CTNNA2: variants seen among roughly 807,000 people sequenced by gnomAD.
The protein encoded by CTNNA2 is catenin alpha-2.
In CTNNA2, 42 loss-of-function variants were observed where a neutral mutation model predicts 101.0. That is an observed-to-expected ratio of 0.42 (90% CI 0.32 to 0.54). CTNNA2 has a LOEUF of 0.54. CTNNA2 is among the 20% of genes least tolerant of loss of function. The pLI is 0.14. For synonymous variants in CTNNA2, 450 were observed against 456.4 expected (o/e 0.99, Z 0.18); for missense variants, 871 against 1,223.1 (o/e 0.71, Z 4.29).
At chr2:80,413,230 C>A (rs961307361) in intron 8 of CTNNA2, among the ~76,000 whole-genome samples, 2 of 152,030 alleles carry the variant, frequency 1.3e-5, no homozygotes, top group Non-Finnish European at 2.9e-5. Flanking sequence ...ATCCAGCAGA[C>A]CTGAATGAAT....
chr2:79,279,778 G>C lies in CTNNA2; in HGVS notation c.-405-32931G>C, dbSNP rs7562471. Among the ~76,000 whole-genome samples, 568 of 152,158 alleles carry C rather than the reference G, an allele frequency of 3.7e-3. 8 individuals are homozygous for C. Among genetic ancestry groups the C allele is most frequent in the African/African-American group, 0.013 (543 of 41,548 alleles). On this transcript the variant is annotated intron_variant, in intron 2 of 21. Coordinates refer to the CTNNA2 transcript ENST00000466387. Reference sequence around the variant, plus strand: ...ATTCCTCTTCTTGACACTTCCAAATGTGTAGGAATTATGGGAAGAACAAAA... The same window carrying C: ...ATTCCTCTTCTTGACACTTCCAAATCTGTAGGAATTATGGGAAGAACAAAA...
At chr2:79,587,269 A>G (rs1676557127) in intron 1 of CTNNA2, among the ~76,000 whole-genome samples, 1 of 151,930 alleles carries the variant, frequency 6.6e-6, no homozygotes. Context: ...TGATTGTACC[A>G]TATTTGAATT....
intron 2 of CTNNA2, among the ~76,000 whole-genome samples, chr2:79,666,171 C>G (rs1238889291): frequency 6.6e-6 from 1 of 151,960 alleles, no homozygotes. Flanking sequence ...AAATGGTTTC[C>G]AAACTTTTTT....
At chr2:79,341,451 T>G (rs1367711941) in intron 3 of CTNNA2, among the ~76,000 whole-genome samples, 1 of 152,138 alleles carries the variant, frequency 6.6e-6, no homozygotes, top group Non-Finnish European at 1.5e-5. Context: ...ATTAAGAACA[T>G]TAGTTATGGT....
intron 7 of CTNNA2, among the ~76,000 whole-genome samples, chr2:80,206,035 A>G (rs368824764): frequency 6.6e-6 from 1 of 152,184 alleles, no homozygotes; most frequent in East Asian, 1.9e-4. Context: ...CTTTCTTGTC[A>G]TGGTAATCCA....
chr2:79,354,716 G>A (rs1413894217), intron 3 of CTNNA2, among the ~76,000 whole-genome samples: 2 of 152,040 alleles, frequency 1.3e-5, no homozygotes, highest in Admixed American at 6.6e-5. Flanking sequence ...GTTGCACCTA[G>A]GATCCCAGAA....
In CTNNA2 at chr2:79,287,018, GCTGATACC is replaced by G. The variant is rs1190245761; in HGVS notation, c.-405-25688_-405-25681del. ...CATTTCATTCATTTCATCTTCCATC[GCTGATACC>G]CTTTCTTCCAGTTGATCGCATCAGC... On this transcript the variant is annotated intron_variant, in intron 2 of 21. Coordinates refer to the CTNNA2 transcript ENST00000466387. Among the ~76,000 whole-genome samples, 3 of 151,724 alleles carry G rather than the reference GCTGATACC, an allele frequency of 2.0e-5. No homozygotes were observed. The East Asian group carries it at 5.8e-4, about 29-fold the overall frequency.
chr2:79,517,694 G>C (rs895674406), intron 1 of CTNNA2, among the ~76,000 whole-genome samples: 1 of 152,066 alleles, frequency 6.6e-6, no homozygotes, highest in Admixed American at 6.6e-5. Flanking sequence ...CCTCAGAGCT[G>C]AATTCTAACT....
At chr2:80,632,995 G>A (rs1157012748) in intron 18 of CTNNA2, among the ~76,000 whole-genome samples, 1 of 152,144 alleles carries the variant, frequency 6.6e-6, no homozygotes, top group Non-Finnish European at 1.5e-5. Flanking sequence ...CTTAGAGCCA[G>A]TTTCTCTAAT....
intron 1 of CTNNA2, among the ~76,000 whole-genome samples, chr2:79,563,747 A>C (rs1674936658): frequency 6.6e-6 from 1 of 152,182 alleles, no homozygotes; most frequent in Non-Finnish European, 1.5e-5. Flanking sequence ...ACTCATAATT[A>C]TGTTATGTGG....
At chr2:80,110,060 A>G (rs994501727) in intron 7 of CTNNA2, among the ~76,000 whole-genome samples, 5 of 152,188 alleles carry the variant, frequency 3.3e-5, no homozygotes, top group African/African-American at 1.2e-4. Flanking sequence ...TATAGTTATC[A>G]CTACATCATT....
At chr2:80,111,155 G>A (rs116118177) in intron 7 of CTNNA2, among the ~76,000 whole-genome samples, 6,731 of 152,156 alleles carry the variant, frequency 0.044, 188 homozygotes, top group Non-Finnish European at 0.062. Context: ...ACCTCCCACC[G>A]GTTCCCTCCT....
At chr2:79,323,553 C>CA (rs1250483687) in intron 3 of CTNNA2, among the ~76,000 whole-genome samples, 9 of 152,050 alleles carry the variant, frequency 5.9e-5, no homozygotes, top group African/African-American at 2.2e-4. Context: ...CAAAGTAAAA[C>CA]AAAACAAACA....
At chr2:79,684,276 ATAT>A (rs1425523190) in intron 2 of CTNNA2, among the ~76,000 whole-genome samples, 4 of 152,238 alleles carry the variant, frequency 2.6e-5, no homozygotes, top group Non-Finnish European at 4.4e-5. Flanking sequence ...ATACTTTATG[ATAT>A]TTTCTATTCT....
chr2:80,626,851 C>A (rs1021235689), intron 18 of CTNNA2, among the ~76,000 whole-genome samples: 1 of 152,014 alleles, frequency 6.6e-6, no homozygotes, highest in Non-Finnish European at 1.5e-5. Flanking sequence ...TCTCCTAATG[C>A]TATCCCTCCC....
At chr2:79,411,398 G>A (rs1052010777) in intron 4 of CTNNA2, among the ~76,000 whole-genome samples, 5 of 151,924 alleles carry the variant, frequency 3.3e-5, no homozygotes, top group African/African-American at 1.2e-4. Context: ...ATGTTAGGGT[G>A]TCAATTTTGG....
At chr2:79,880,339 G>A (rs999470827) in intron 6 of CTNNA2, among the ~76,000 whole-genome samples, 3 of 152,122 alleles carry the variant, frequency 2.0e-5, no homozygotes, top group African/African-American at 7.2e-5. Flanking sequence ...CATAAAATGA[G>A]TTAGGGAGGA....
At chr2:79,409,440 A>G (rs1678381553) in intron 4 of CTNNA2, among the ~76,000 whole-genome samples, 3 of 152,236 alleles carry the variant, frequency 2.0e-5, no homozygotes, top group Admixed American at 2.0e-4. Flanking sequence ...TAGGTCTAAC[A>G]TTTAAGTCTT....
At chr2:79,227,811 G>A (rs1428148621) in intron 2 of CTNNA2, among the ~76,000 whole-genome samples, 1 of 151,960 alleles carries the variant, frequency 6.6e-6, no homozygotes, top group East Asian at 1.9e-4. Context: ...TTGTTACATG[G>A]GTAAATTACA....
Sources: gnomAD v4.1 joint callset for allele counts (sites outside exome capture counted in the v4.1 genomes callset) on GRCh38, gnomAD v4.1.1 for gene constraint, MANE v1.5 for transcripts, NCBI Gene and HGNC (gene_info 2026-07-23, HGNC 2026-07-21) for gene names.